ISG20: variants seen among roughly 807,000 people sequenced by gnomAD.
ISG20 encodes the protein interferon stimulated exonuclease gene 20.
In ISG20, 8 loss-of-function variants were observed where a neutral mutation model predicts 11.1. The observed-to-expected ratio is 0.72, with a 90% CI of 0.42 to 1.30. ISG20 has a LOEUF of 1.30. Ranked by LOEUF, ISG20 falls within the 50% of genes most tolerant of loss-of-function variation. The probability of loss-of-function intolerance (pLI) is 0.01; values close to 1 mark genes in which losing one functional copy is unlikely to be tolerated. For missense variants in ISG20, 243 were observed against 250.2 expected (o/e 0.97, Z 0.19); for synonymous variants, 110 against 101.7 (o/e 1.08, Z -0.49).
intron 2 of ISG20, among the ~76,000 whole-genome samples, chr15:88,640,500 G>A (rs1204876319): frequency 6.6e-6 from 1 of 152,214 alleles, no homozygotes; most frequent in Non-Finnish European, 1.5e-5. Flanking sequence ...AAGAGGGTCA[G>A]TTTCAATCTC....
At chr15:88,646,035 T>C (rs1308846211) in intron 2 of ISG20, among the ~76,000 whole-genome samples, 1 of 152,220 alleles carries the variant, frequency 6.6e-6, no homozygotes, top group Non-Finnish European at 1.5e-5. Context: ...TGTGTTGGCC[T>C]TTGCTGTTGA....
upstream of ISG20, among the ~76,000 whole-genome samples, chr15:88,637,103 G>C (rs1409500178): frequency 5.9e-5 from 9 of 152,186 alleles, no homozygotes; most frequent in East Asian, 1.7e-3. Context: ...GCAGAGACCT[G>C]ATCTTACTGG....
Position 88,643,918 on chromosome 15 carries a change from A to C in ISG20, c.228+4324A>C, listed in dbSNP as rs756670414. 6.6e-6 allele frequency among the ~76,000 whole-genome samples: 1 copy of C among 152,208 alleles called. No individual in the cohort carries two copies. The highest frequency in any genetic ancestry group is 2.1e-4 in the South Asian group (1 of 4,830). Reference sequence around the variant, plus strand: ...AAAATCTGAAATTTGAAATGTTCCAATGAGCATTTCCTTTGAGCGTCATGT... The same window carrying C: ...AAAATCTGAAATTTGAAATGTTCCACTGAGCATTTCCTTTGAGCGTCATGT... On this transcript the variant is annotated intron_variant, in intron 2 of 3. Transcript: ENST00000306072. The surrounding 1 kb of genome is among the most constrained non-coding windows in gnomAD (Gnocchi z 4.4).
chr15:88,653,333 G>A (rs1364266022), intron 3 of ISG20, among the ~76,000 whole-genome samples: 1 of 152,166 alleles, frequency 6.6e-6, no homozygotes, highest in Non-Finnish European at 1.5e-5. Flanking sequence ...ACAGAGCCTG[G>A]AGGGTCTTAG....
At chr15:88,637,603 C>A (rs930026799), upstream of ISG20, among the ~76,000 whole-genome samples, 1 of 151,990 alleles carries the variant, frequency 6.6e-6, no homozygotes, top group Non-Finnish European at 1.5e-5. Context: ...TGAGACAGAG[C>A]AGGCACAGAA....
chr15:88,652,395 CT>C, intron 3 of ISG20, 85 bp downstream of exon 3: 2 of 194,696 alleles, frequency 1.0e-5, no homozygotes, highest in Admixed American at 6.4e-5. Flanking sequence ...CCTCCCCCTC[CT>C]CCCCCTCCTC....
At chr15:88,653,617 C>T (rs78137839) in intron 3 of ISG20, among the ~76,000 whole-genome samples, 126 of 152,228 alleles carry the variant, frequency 8.3e-4, no homozygotes, top group Middle Eastern at 6.8e-3. Context: ...CTCCCAGGCT[C>T]TGTCCCTGGG....
At position 88,652,253 on chromosome 15, in the gene ISG20, C is replaced by G; in HGVS notation, c.372C>G (p.His124Gln). 1 of 1,614,038 alleles carries G rather than the reference C, an allele frequency of 6.2e-7. No homozygotes were observed. The highest frequency in any genetic ancestry group is 2.2e-5 in the East Asian group (1 of 44,882). The change falls in exon 3 of 4, where the codon CAC becomes CAG. Residue 124 changes from histidine to glutamine, a missense_variant. By Grantham distance (24) the His-to-Gln change is conservative. Coordinates refer to ENST00000306072, the MANE Select transcript of ISG20 (RefSeq NM_002201.6). The part of the protein sequence containing the change: ...RLLWREAKLD[H>Q]CRRVSLRVLS... ...TGTGGCGTGAGGCCAAGCTGGACCA[C>G]TGCAGGCGTGTCTCCCTGCGGGTGC...
intron 3 of ISG20, among the ~76,000 whole-genome samples, chr15:88,653,867 C>A (rs566140351): frequency 3.3e-5 from 5 of 152,174 alleles, no homozygotes; most frequent in Admixed American, 1.3e-4. Flanking sequence ...TGGCTCCCTG[C>A]CAAGCTGCGC....
rs995336975 is a variant in ISG20, at chr15:88,650,041, G to T, written c.229-2069G>T. Reference sequence around the variant, plus strand: ...ACACATGATGTTCCAGGAGGCCGCTGGCTATCTAGAAGGAGAAGCAGGCTA... The same window carrying T: ...ACACATGATGTTCCAGGAGGCCGCTTGCTATCTAGAAGGAGAAGCAGGCTA... On this transcript the variant is annotated intron_variant, in intron 2 of 3. Coordinates refer to ENST00000306072, the MANE Select transcript of ISG20 (RefSeq NM_002201.6). The surrounding 1 kb of genome is among the most constrained non-coding windows in gnomAD (Gnocchi z 4.0). The T allele has an allele frequency of 3.4e-6, 2 of 587,658 alleles. No individual in the cohort carries two copies. The highest frequency in any genetic ancestry group is 3.1e-6 in the Non-Finnish European group (1 of 327,320). The allele number at this position is 587,658 out of a possible 1,614,324, so 36.4% of individuals were successfully genotyped here.
chr15:88,636,700 GA>G (rs2057990125), upstream of ISG20, among the ~76,000 whole-genome samples: 1 of 152,118 alleles, frequency 6.6e-6, no homozygotes, highest in African/African-American at 2.4e-5. Flanking sequence ...CACCACAATG[GA>G]TTATTTTTTA....
chr15:88,644,571 C>T (rs2058138829), intron 2 of ISG20, among the ~76,000 whole-genome samples: 1 of 149,754 alleles, frequency 6.7e-6, no homozygotes, highest in African/African-American at 2.5e-5. Flanking sequence ...AAAAAAGAGT[C>T]AGAGGCCCTA....
chr15:88,644,528 T>A (rs1159388707), intron 2 of ISG20, among the ~76,000 whole-genome samples: 4 of 104,574 alleles, frequency 3.8e-5, no homozygotes, highest in African/African-American at 1.5e-4. Flanking sequence ...TGAGACTTAG[T>A]CTCCAAAAAA....
intron 2 of ISG20, chr15:88,648,804 A>G (rs1299296054): frequency 1.3e-5 from 2 of 152,188 alleles, no homozygotes; most frequent in African/African-American, 2.4e-5. Context: ...AGTGCCTGGC[A>G]CAGTGCCAGG....
At chr15:88,646,580 G>A (rs914961306) in intron 2 of ISG20, among the ~76,000 whole-genome samples, 3 of 152,164 alleles carry the variant, frequency 2.0e-5, no homozygotes, top group East Asian at 1.9e-4. Flanking sequence ...TGGAGGCTCC[G>A]GAGGCAGTTT....
upstream of ISG20, among the ~76,000 whole-genome samples, chr15:88,637,181 G>C (rs2057997344): frequency 6.6e-6 from 1 of 152,134 alleles, no homozygotes; most frequent in Non-Finnish European, 1.5e-5. Flanking sequence ...CTGATGGTTT[G>C]GCAGAAGTCA....
intron 2 of ISG20, among the ~76,000 whole-genome samples, chr15:88,642,444 GATAGATGGA>G (rs966190323): frequency 3.9e-5 from 6 of 152,232 alleles, no homozygotes; most frequent in African/African-American, 1.4e-4. Flanking sequence ...ACGCTGTTAA[GATAGATGGA>G]ATATGGGACA....
At chr15:88,642,715 C>T (rs1567115587) in intron 2 of ISG20, among the ~76,000 whole-genome samples, 1 of 152,176 alleles carries the variant, frequency 6.6e-6, no homozygotes. Context: ...CTCCCAGGTT[C>T]AAGGGAGTCT....
intron 2 of ISG20, among the ~76,000 whole-genome samples, chr15:88,641,833 T>C (rs1053082429): frequency 6.6e-6 from 1 of 151,896 alleles, no homozygotes; most frequent in African/African-American, 2.4e-5. Context: ...GGTTTTACCA[T>C]GTTGGCCAGG....
Sources: allele counts gnomAD v4.1 joint callset (sites outside exome capture counted in the v4.1 genomes callset), GRCh38; gene constraint gnomAD v4.1.1; non-coding constraint Gnocchi (gnomAD v3.1); transcripts MANE v1.5; gene names NCBI Gene and HGNC (gene_info 2026-07-23, HGNC 2026-07-21).